SMYD3: variants seen among roughly 807,000 people sequenced by gnomAD.
SMYD3 encodes the protein SET and MYND domain containing 3.
In SMYD3, 36 loss-of-function variants were observed where a neutral mutation model predicts 57.7. The observed-to-expected ratio is 0.62, with a 90% CI of 0.48 to 0.82. The LOEUF is 0.82. Ranked by LOEUF, SMYD3 falls within the 40% of genes least tolerant of loss-of-function variation. SMYD3 has a pLI of 0.00. For synonymous variants in SMYD3, 211 were observed against 195.0 expected, an observed-to-expected ratio of 1.08 and a Z score of -0.68; for missense variants, 515 against 538.8, an observed-to-expected ratio of 0.96 and a Z score of 0.44.
chr1:245,924,562 G>A lies in SMYD3; in HGVS notation c.702+3369C>T, dbSNP rs1277352136. ...GAAATGCTCCCATCTTAAACTGGCA[G>A]TAGACTGGCTTTCATATTCCCTTCC... On this transcript the variant is annotated intron_variant, in intron 7 of 11. Coordinates refer to ENST00000490107, the MANE Select transcript of SMYD3 (RefSeq NM_001167740.2). 2.0e-5 allele frequency among the ~76,000 whole-genome samples: 3 copies of A among 151,936 alleles called. 1 individual carries two copies. Among genetic ancestry groups the A allele is most frequent in the Non-Finnish European group, 4.4e-5 (3 of 68,010 alleles).
intron 5 of SMYD3, among the ~76,000 whole-genome samples, chr1:246,299,516 A>T (rs542328292): frequency 9.2e-5 from 14 of 152,132 alleles, no homozygotes; most frequent in Non-Finnish European, 1.8e-4. Flanking sequence ...AATATAAATC[A>T]TTTATCATGA....
chr1:245,875,587 A>G (rs754083448), intron 8 of SMYD3, among the ~76,000 whole-genome samples: 3 of 152,162 alleles, frequency 2.0e-5, no homozygotes, highest in Non-Finnish European at 4.4e-5. Context: ...TCAAATTTGG[A>G]TGTTCAAAAT....
chr1:246,354,940 G>A (rs2065887546), intron 2 of SMYD3, 91 bp downstream of exon 2: 6 of 1,129,672 alleles, frequency 5.3e-6, no homozygotes, highest in Non-Finnish European at 7.9e-6. Flanking sequence ...AGGCTGTAAA[G>A]AAGTAGACAC....
intron 1 of SMYD3, among the ~76,000 whole-genome samples, chr1:246,448,955 C>G (rs2067592203): frequency 6.6e-6 from 1 of 152,120 alleles, no homozygotes; most frequent in African/African-American, 2.4e-5. Flanking sequence ...CTGCTGGGCA[C>G]AGTGGCTCAC....
chr1:246,327,248 C>A lies in SMYD3; in HGVS notation c.484G>T (p.Ala162Ser), dbSNP rs1456376983. The A allele has an allele frequency of 1.9e-6, 3 of 1,614,002 alleles. No homozygotes were observed. The African/African-American group carries it at 4.0e-5, about 22-fold the overall frequency. The change falls in exon 5 of 12, where the codon GCC becomes TCC. Residue 162 changes from alanine to serine, a missense_variant. Transcript: ENST00000490107. ...QHFMREEIQD[A>S]SQLPPAFDLF... ...TCAAAGGCAGGTGGCAGCTGAGAGGCATCCTGTATTTCTTCTCTCATGAAA... is the reference window on the plus strand; with the variant it reads ...TCAAAGGCAGGTGGCAGCTGAGAGGAATCCTGTATTTCTTCTCTCATGAAA...
chr1:246,102,878 C>T (rs962292881), intron 5 of SMYD3, among the ~76,000 whole-genome samples: 2 of 152,162 alleles, frequency 1.3e-5, no homozygotes, highest in Non-Finnish European at 2.9e-5. Context: ...GAAGGGGACC[C>T]TGTCTCTATC....
At chr1:246,436,132 A>T (rs1158762684) in intron 1 of SMYD3, among the ~76,000 whole-genome samples, 2 of 152,116 alleles carry the variant, frequency 1.3e-5, no homozygotes, top group Non-Finnish European at 2.9e-5. Flanking sequence ...TTGAGAGAGA[A>T]AATATAAAGG....
At chr1:246,303,002 G>A (rs1010729165) in intron 5 of SMYD3, among the ~76,000 whole-genome samples, 1 of 152,176 alleles carries the variant, frequency 6.6e-6, no homozygotes, top group African/African-American at 2.4e-5. Flanking sequence ...ACAAGAGAAA[G>A]AAGAGAGAAT....
intron 1 of SMYD3, among the ~76,000 whole-genome samples, chr1:246,378,674 TAC>T (rs1261138158): frequency 7.8e-6 from 1 of 127,782 alleles, no homozygotes; most frequent in Non-Finnish European, 1.6e-5. Flanking sequence ...CATATATATA[TAC>T]ACATATATAT....
At chr1:245,761,240 T>C (rs1011667111) in intron 11 of SMYD3, among the ~76,000 whole-genome samples, 2 of 152,158 alleles carry the variant, frequency 1.3e-5, no homozygotes, top group African/African-American at 4.8e-5. Flanking sequence ...TCAGGGTGTA[T>C]GCCTGAGCTT....
At chr1:245,986,938 T>C (rs1247307102) in intron 5 of SMYD3, among the ~76,000 whole-genome samples, 3 of 152,230 alleles carry the variant, frequency 2.0e-5, no homozygotes, top group African/African-American at 7.2e-5. Context: ...ATGAACATAT[T>C]TGCATTTTAT....
chr1:246,080,348 G>GGCGGGTGAGCAGGC (rs1245809600), intron 5 of SMYD3, among the ~76,000 whole-genome samples: 1 of 151,932 alleles, frequency 6.6e-6, no homozygotes, highest in African/African-American at 2.4e-5. Flanking sequence ...CGATTCTCAT[G>GGCGGGTGAGCAGGC]AGGGCGTGAA....
At chr1:245,797,482 C>T (rs1297369922) in intron 10 of SMYD3, among the ~76,000 whole-genome samples, 4 of 135,786 alleles carry the variant, frequency 2.9e-5, no homozygotes, top group African/African-American at 8.6e-5. Context: ...ACAATGAGAA[C>T]GCTTGGACAC....
At chr1:246,141,177 A>T (rs548751882) in intron 5 of SMYD3, among the ~76,000 whole-genome samples, 1 of 152,310 alleles carries the variant, frequency 6.6e-6, no homozygotes, top group Admixed American at 6.5e-5. Flanking sequence ...GGTCACATGG[A>T]GCTAATACAT....
intron 2 of SMYD3, among the ~76,000 whole-genome samples, chr1:246,345,770 T>C (rs1413763869): frequency 6.6e-6 from 1 of 152,192 alleles, no homozygotes; most frequent in African/African-American, 2.4e-5. Context: ...GCAAACTAAA[T>C]GATCCACAGC....
chr1:245,834,355 C>G (rs574480617), intron 10 of SMYD3, among the ~76,000 whole-genome samples: 2 of 152,148 alleles, frequency 1.3e-5, no homozygotes, highest in Non-Finnish European at 2.9e-5. Context: ...TCACGATATC[C>G]GGGAGTAAAA....
At chr1:245,786,960 T>A (rs2047069053) in intron 10 of SMYD3, among the ~76,000 whole-genome samples, 1 of 152,214 alleles carries the variant, frequency 6.6e-6, no homozygotes, top group Non-Finnish European at 1.5e-5. Flanking sequence ...ATAGAGTAAC[T>A]CAGCTCTCAC....
At position 245,905,769 on chromosome 1, in the gene SMYD3, A is replaced by G. The variant is rs185568418; in HGVS notation, c.813+9761T>C. 3.2e-4 allele frequency among the ~76,000 whole-genome samples: 48 copies of G among 152,304 alleles called. 1 individual carries two copies. In the East Asian group the frequency reaches 8.3e-3, roughly 26 times the overall value. The stretch of plus-strand genomic sequence containing the variant: ...CAGCAGGTCTTGGGCGAGACCCAGC[A>G]CTGTGCTGGCTTCAGGTCTACATAA... On this transcript the variant is annotated intron_variant, in intron 8 of 11. Transcript: ENST00000490107.
chr1:245,816,896 T>C, intron 10 of SMYD3, among the ~76,000 whole-genome samples: 1 of 125,044 alleles, frequency 8.0e-6, no homozygotes, highest in South Asian at 2.2e-4. Flanking sequence ...CGGAGGGTCC[T>C]ACCCGACGGA....
Sources: allele counts gnomAD v4.1 joint callset (sites outside exome capture counted in the v4.1 genomes callset), GRCh38; gene constraint gnomAD v4.1.1; transcripts MANE v1.5; gene names NCBI Gene and HGNC (gene_info 2026-07-23, HGNC 2026-07-21).